The following GOLGA4 variants were observed in gnomAD, a reference collection of about 807,000 sequenced individuals.
The protein encoded by GOLGA4 is golgin subfamily A member 4.
GOLGA4 carries 169 observed loss-of-function variants against 265.9 expected under a neutral mutation model. That is an observed-to-expected ratio of 0.64 (90% CI 0.56 to 0.72). The LOEUF (loss-of-function observed/expected upper bound fraction) is 0.72, where lower values mean the gene tolerates loss of function less well. GOLGA4 is among the 30% of genes least tolerant of loss of function. GOLGA4 has a pLI of 0.00. For synonymous variants in GOLGA4, 923 were observed against 855.8 expected, an observed-to-expected ratio of 1.08 and a Z score of -1.37; for missense variants, 2,482 against 2,483.4, an observed-to-expected ratio of 1.00 and a Z score of 0.01.
At chr3:37,285,617 C>G (rs2150786569) in intron 3 of GOLGA4, among the ~76,000 whole-genome samples, 2 of 152,354 alleles carry the variant, frequency 1.3e-5, no homozygotes, top group South Asian at 4.1e-4. Context: ...CTTCCCAAGT[C>G]TCAAATTCAG....
chr3:37,344,213 T>A (rs553061322), intron 20 of GOLGA4, among the ~76,000 whole-genome samples: 1 of 152,200 alleles, frequency 6.6e-6, no homozygotes, highest in South Asian at 2.1e-4. Flanking sequence ...GCGATTGTCA[T>A]GTTTCAGCCT....
intron 20 of GOLGA4, chr3:37,341,874 A>T (rs1246603020): frequency 6.6e-6 from 1 of 152,232 alleles, no homozygotes; most frequent in African/African-American, 2.4e-5. Context: ...TTTAATAGCT[A>T]ACTCATAATA....
intron 20 of GOLGA4, among the ~76,000 whole-genome samples, chr3:37,344,278 T>C (rs1053839059): frequency 1.3e-5 from 2 of 152,134 alleles, no homozygotes; most frequent in Non-Finnish European, 2.9e-5. Flanking sequence ...ATTTTTGTAT[T>C]TTTAGTAGAG....
At chr3:37,365,922 C>T (rs77628314) in intron 23 of GOLGA4, among the ~76,000 whole-genome samples, 158 bp from the exon 24 acceptor site, 5,841 of 152,078 alleles carry the variant, frequency 0.038, 143 homozygotes, top group African/African-American at 0.056. Context: ...CATGAGCTAC[C>T]ACACCCAGCC....
rs772441092 is a variant in GOLGA4, at chr3:37,328,923, C to T, written c.6062-40C>T. The stretch of plus-strand genomic sequence containing the variant: ...TTGAGATACAAATATTAACTCTTGA[C>T]TAATGTGTTTTCTTGTGTGTGTTCA... On this transcript the variant is annotated intron_variant, in intron 15 of 23. Transcript: ENST00000361924. 8.7e-6 allele frequency: 13 copies of T among 1,492,910 alleles called. No individual in the cohort carries two copies. The Admixed American group carries it at 1.6e-4, about 18-fold the overall frequency. The allele number at this position is 1,492,910 out of a possible 1,614,324, so 92.5% of individuals were successfully genotyped here. A position where few individuals can be genotyped will look rare whatever the true frequency, so the allele number is the denominator to read the frequency against.
intron 4 of GOLGA4, 35 bp from the exon 5 acceptor site, chr3:37,289,200 T>C (rs754742658): frequency 8.2e-6 from 10 of 1,223,778 alleles, no homozygotes; most frequent in Admixed American, 2.1e-5. Flanking sequence ...TACAGTTAGC[T>C]GTTTAACCAG....
rs530739543 is a variant in GOLGA4, at chr3:37,297,650, T to G, written c.815-1183T>G. 8.5e-5 allele frequency among the ~76,000 whole-genome samples: 13 copies of G among 152,292 alleles called. No homozygotes were observed. The East Asian group carries it at 2.1e-3, about 25-fold the overall frequency. On this transcript the variant is annotated intron_variant, in intron 7 of 23. Coordinates refer to ENST00000361924, the MANE Select transcript of GOLGA4 (RefSeq NM_002078.5). Reference sequence around the variant, plus strand: ...TAAAGATTAAACAACTAATACTAAGTAGAGGTTTGGAAGGGTGCCAGTTTA... The same window carrying G: ...TAAAGATTAAACAACTAATACTAAGGAGAGGTTTGGAAGGGTGCCAGTTTA...
intron 10 of GOLGA4, among the ~76,000 whole-genome samples, chr3:37,309,309 A>C (rs1268963726): frequency 6.6e-6 from 1 of 151,688 alleles, no homozygotes; most frequent in Non-Finnish European, 1.5e-5. Flanking sequence ...TAATGCCAGC[A>C]CTTTGGGAGG....
At chr3:37,317,608 T>G (rs973558488) in intron 11 of GOLGA4, among the ~76,000 whole-genome samples, 3 of 152,254 alleles carry the variant, frequency 2.0e-5, no homozygotes, top group Admixed American at 1.3e-4. Flanking sequence ...GAAGACAATT[T>G]ATACCCTGAC....
rs1181262166 is a variant in GOLGA4 at position 37,298,954 on chromosome 3, A to G, written c.936A>G (p.Leu312=). ...CACATAAGGAACAATGTACACTATTAACTAGTGAAAAAGAAGCTCTGCAAG... is the reference window on the plus strand; with the variant it reads ...CACATAAGGAACAATGTACACTATTGACTAGTGAAAAAGAAGCTCTGCAAG... The part of the protein sequence containing the change: ...IQSHKEQCTL[L]TSEKEALQEQ... Residue 312 remains leucine, a synonymous_variant, in exon 8 of 24, where the codon TTA becomes TTG. Transcript: ENST00000361924. 9 of 1,608,584 alleles carry G rather than the reference A, an allele frequency of 5.6e-6. No individual in the cohort carries two copies. Among genetic ancestry groups the G allele is most frequent in the Non-Finnish European group, 6.8e-6 (8 of 1,178,056 alleles).
At chr3:37,274,199 A>G (rs2096807169) in intron 2 of GOLGA4, among the ~76,000 whole-genome samples, 1 of 152,072 alleles carries the variant, frequency 6.6e-6, no homozygotes, top group African/African-American at 2.4e-5. Flanking sequence ...TCATGGAGGT[A>G]GCCATATTGA....
chr3:37,340,167 T>A lies in GOLGA4; in HGVS notation c.6440T>A (p.Val2147Glu). 7.0e-7 allele frequency: 1 copy of A among 1,437,850 alleles called. No individual in the cohort carries two copies. Among genetic ancestry groups the A allele is most frequent in the Non-Finnish European group, 9.7e-7 (1 of 1,034,762 alleles). The allele number at this position is 1,437,850 out of a possible 1,614,324, so 89.1% of individuals were successfully genotyped here. Residue 2147 changes from valine to glutamate, a missense_variant, in exon 20 of 24, where the codon GTA (valine) becomes GAA (glutamate). Physicochemically the swap from Val to Glu is moderately radical, Grantham distance 121 (BLOSUM62 -2). This residue lies in a region of GOLGA4 where 942 missense variants were observed against 983.1 expected (regional missense o/e 0.96). Coordinates refer to ENST00000361924, the MANE Select transcript of GOLGA4 (RefSeq NM_002078.5). Reference sequence around the variant, plus strand: ...CGTTTGAAGAAATATGAAAAGAATGTATATGCAACAACTGTGGGGACACCT... The same window carrying A: ...CGTTTGAAGAAATATGAAAAGAATGAATATGCAACAACTGTGGGGACACCT... ...EDRLKKYEKN[V>E]YATTVGTPYK...
rs561225825 is a variant in GOLGA4, at chr3:37,315,427, G to C, written c.1242G>C (p.Glu414Asp). The change falls in exon 11 of 24, where the codon GAG becomes GAC. Residue 414 changes from glutamate (E) to aspartate (D), a missense_variant. Transcript: ENST00000361924. The part of the protein sequence containing the change: ...QKEKSERAAF[E>D]ELEKALSTAQ... ...CTGTTGTTTTCATTATAGCTTTTGA[G>C]GAACTTGAAAAAGCTTTGAGTACAG... 4 of 1,610,526 alleles carry C rather than the reference G, an allele frequency of 2.5e-6. No individual in the cohort carries two copies. The highest frequency in any genetic ancestry group is 3.4e-6 in the Non-Finnish European group (4 of 1,178,766).
At chr3:37,361,067 G>T (rs2151087619) in intron 22 of GOLGA4, among the ~76,000 whole-genome samples, 176 bp from the exon 23 acceptor site, 1 of 152,198 alleles carries the variant, frequency 6.6e-6, no homozygotes, top group South Asian at 2.1e-4. Context: ...CCTAGGATAT[G>T]GGGGGAGGTA....
rs377028200 is a variant in GOLGA4 at position 37,325,397 on chromosome 3, G to A, written c.3511G>A (p.Val1171Ile). ...KMLAEEDKRK[V>I]SELTSKLKTT... is the part of the protein sequence containing the mutation. Reference sequence around the variant, plus strand: ...GCTGGCAGAAGAAGATAAGCGGAAGGTTTCTGAGTTGACTAGCAAGTTGAA... The same window carrying A: ...GCTGGCAGAAGAAGATAAGCGGAAGATTTCTGAGTTGACTAGCAAGTTGAA... Residue 1171 changes from valine (V) to isoleucine (I), a missense_variant, in exon 14 of 24, where the codon GTT becomes ATT. Physicochemically the swap from Val to Ile is conservative, Grantham distance 29. This residue lies in a region of GOLGA4 where 1,536 missense variants were observed against 1,483.7 expected (regional missense o/e 1.04). Transcript: ENST00000361924. 1.6e-5 allele frequency: 26 copies of A among 1,611,770 alleles called. No homozygotes were observed. Among genetic ancestry groups the A allele is most frequent in the Non-Finnish European group, 2.0e-5 (24 of 1,179,338 alleles).
At position 37,325,937 on chromosome 3, in the gene GOLGA4, A is replaced by G; in HGVS notation, c.4051A>G (p.Asn1351Asp). The G allele has an allele frequency of 6.2e-7, 1 of 1,611,790 alleles. No individual in the cohort carries two copies. Among genetic ancestry groups the G allele is most frequent in the Middle Eastern group, 1.7e-4 (1 of 6,054 alleles). Residue 1351 changes from asparagine to aspartate, a missense_variant, in exon 14 of 24, where the codon AAC becomes GAC. By Grantham distance (23) the Asn-to-Asp change is conservative. Coordinates refer to ENST00000361924, the MANE Select transcript of GOLGA4 (RefSeq NM_002078.5). ...ACAGTTGAAGAAAGAGTTATCTGAAAACATCAATGCTGTCACATTGATGAA... is the reference window on the plus strand; with the variant it reads ...ACAGTTGAAGAAAGAGTTATCTGAAGACATCAATGCTGTCACATTGATGAA... ...ITQLKKELSE[N>D]INAVTLMKEE...
At chr3:37,358,879 A>G (rs1164223065) in intron 22 of GOLGA4, among the ~76,000 whole-genome samples, 1 of 152,152 alleles carries the variant, frequency 6.6e-6, no homozygotes, top group African/African-American at 2.4e-5. Context: ...CCTAGATCTC[A>G]ATGGTTTGAC....
intron 10 of GOLGA4, among the ~76,000 whole-genome samples, chr3:37,308,375 A>G (rs926649236): frequency 6.6e-6 from 1 of 151,916 alleles, no homozygotes; most frequent in African/African-American, 2.4e-5. Context: ...CCATTGCAAA[A>G]GTGATATTTA....
At chr3:37,310,259 A>C (rs1475851769) in intron 10 of GOLGA4, among the ~76,000 whole-genome samples, 3 of 152,146 alleles carry the variant, frequency 2.0e-5, no homozygotes, top group Non-Finnish European at 4.4e-5. Context: ...TGCTGCATGA[A>C]ACCTCAGAAT....
Sources: allele counts gnomAD v4.1 joint callset (sites outside exome capture counted in the v4.1 genomes callset), GRCh38; gene constraint gnomAD v4.1.1; regional missense constraint gnomAD v4.1.1; transcripts MANE v1.5; gene names NCBI Gene and HGNC (gene_info 2026-07-23, HGNC 2026-07-21).